Variants in CADM1 observed in about 807,000 individuals in gnomAD.
The protein encoded by CADM1 is TSLC-1.
CADM1 carries 15 observed loss-of-function variants against 53.1 expected under a neutral mutation model. The ratio of observed to expected loss-of-function variants is 0.28; its 90% CI spans 0.19 to 0.44. The LOEUF (loss-of-function observed/expected upper bound fraction) is 0.44, where lower values mean the gene tolerates loss of function less well. CADM1 is among the 20% of genes least tolerant of loss of function. CADM1 has a pLI of 1.00. For synonymous variants in CADM1, 281 were observed against 243.0 expected (o/e 1.16, Z -1.45); for missense variants, 434 against 611.3 (o/e 0.71, Z 3.06).
intron 1 of CADM1, among the ~76,000 whole-genome samples, chr11:115,336,593 C>T (rs1945273534): frequency 1.3e-5 from 2 of 151,882 alleles, no homozygotes; most frequent in Admixed American, 1.3e-4. Flanking sequence ...TGGTTTCTAC[C>T]CTTTCTGAAA....
intron 1 of CADM1, among the ~76,000 whole-genome samples, chr11:115,256,413 T>G (rs761987643): frequency 2.6e-5 from 4 of 152,226 alleles, no homozygotes; most frequent in Admixed American, 6.5e-5. Context: ...CACAGCCTCT[T>G]AATGAATATC....
At position 115,200,571 on chromosome 11, in the gene CADM1, C is replaced by T. The variant is rs556683061; in HGVS notation, c.1079-2133G>A. Among the ~76,000 whole-genome samples the T allele has an allele frequency of 1.2e-4, 18 of 152,296 alleles. 1 individual carries two copies. The highest frequency in any genetic ancestry group is 4.1e-4 in the African/African-American group (17 of 41,560). On this transcript the variant is annotated intron_variant, in intron 8 of 11. Transcript: ENST00000331581. ...AGAGCAACGGCGTGATCTTGGCTCA[C>T]CGCAACCTCTGGTTCCTGCATTCAA...
chr11:115,185,812 G>A (rs1481129024), intron 10 of CADM1, among the ~76,000 whole-genome samples: 2 of 152,170 alleles, frequency 1.3e-5, no homozygotes, highest in South Asian at 2.1e-4. Flanking sequence ...GACAGTTGTC[G>A]AGTATTTCCA....
chr11:115,367,042 A>C (rs1465166043), intron 1 of CADM1, among the ~76,000 whole-genome samples: 1 of 152,232 alleles, frequency 6.6e-6, no homozygotes, highest in Non-Finnish European at 1.5e-5. Context: ...GCTGAACAAA[A>C]CAAAAGTCTT....
chr11:115,454,493 C>G (rs1040717779), intron 1 of CADM1, among the ~76,000 whole-genome samples: 1 of 152,182 alleles, frequency 6.6e-6, no homozygotes, highest in Non-Finnish European at 1.5e-5. Context: ...TTCATGTTTA[C>G]TGTAGGGCTA....
intron 1 of CADM1, among the ~76,000 whole-genome samples, chr11:115,460,046 C>G (rs2135370288): frequency 6.6e-6 from 1 of 152,268 alleles, no homozygotes; most frequent in East Asian, 1.9e-4. Context: ...GATCTGAACA[C>G]CTAGCACCCT....
At chr11:115,403,946 AAGTC>A (rs1947229731) in intron 1 of CADM1, among the ~76,000 whole-genome samples, 2 of 152,000 alleles carry the variant, frequency 1.3e-5, no homozygotes, top group African/African-American at 4.8e-5. Context: ...TCAAAAACAA[AAGTC>A]AGTTTTTAGA....
intron 1 of CADM1, among the ~76,000 whole-genome samples, chr11:115,262,426 T>C (rs569979991): frequency 3.9e-5 from 6 of 152,330 alleles, no homozygotes; most frequent in Admixed American, 3.3e-4. Context: ...GGCTTACTTA[T>C]ATTACAAAGG....
chr11:115,190,997 A>G, intron 9 of CADM1, 56 bp from the exon 10 acceptor site: 3 of 1,365,372 alleles, frequency 2.2e-6, no homozygotes, highest in Non-Finnish European at 3.0e-6. Context: ...CATAAACAAA[A>G]CACTTAAGAA....
chr11:115,337,629 T>C (rs1040155371), intron 1 of CADM1, among the ~76,000 whole-genome samples: 2 of 152,188 alleles, frequency 1.3e-5, no homozygotes, highest in Admixed American at 1.3e-4. Flanking sequence ...ATGCATTTGT[T>C]ATGTCTTCCC....
At chr11:115,385,602 A>C (rs748289200) in intron 1 of CADM1, among the ~76,000 whole-genome samples, 2 of 151,410 alleles carry the variant, frequency 1.3e-5, no homozygotes, top group Non-Finnish European at 2.9e-5. Context: ...ACCAATTCAT[A>C]ATTTATAACA....
intron 8 of CADM1, among the ~76,000 whole-genome samples, chr11:115,200,223 TAGC>T (rs1308824856): frequency 2.6e-5 from 4 of 152,160 alleles, no homozygotes; most frequent in African/African-American, 7.2e-5. Context: ...GTGCATAAAA[TAGC>T]AGTAAAAAAC....
intron 1 of CADM1, among the ~76,000 whole-genome samples, chr11:115,380,092 A>C (rs1198793992): frequency 6.6e-6 from 1 of 152,140 alleles, no homozygotes; most frequent in Non-Finnish European, 1.5e-5. Flanking sequence ...CGCGTTTAAA[A>C]CCAGAGCATC....
chr11:115,338,976 T>C (rs1447756961), intron 1 of CADM1, among the ~76,000 whole-genome samples: 131 of 145,622 alleles, frequency 9.0e-4, no homozygotes, highest in South Asian at 2.0e-3. Flanking sequence ...ACATGTGCCA[T>C]GCCGGTGCGC....
chr11:115,171,824 G>A lies in CADM1; in HGVS notation c.*4650C>T, dbSNP rs1357149344. ...TGGAATAAGTCTGCTAATGAATGGT[G>A]AAGAGAAAAGGGTCATTAAACCTTC... On this transcript the variant is annotated 3_prime_UTR_variant, in exon 12 of 12. Transcript: ENST00000331581. 1 of 152,236 alleles carries A rather than the reference G, an allele frequency of 6.6e-6. No homozygotes were observed. The highest frequency in any genetic ancestry group is 1.5e-5 in the Non-Finnish European group (1 of 68,078). The allele number at this position is 152,236 out of a possible 1,614,324, so 9.4% of individuals were successfully genotyped here.
intron 1 of CADM1, among the ~76,000 whole-genome samples, chr11:115,279,358 T>C (rs989306037): frequency 2.6e-5 from 4 of 152,160 alleles, no homozygotes; most frequent in Non-Finnish European, 5.9e-5. Context: ...CAACCAAATA[T>C]TTCACAAAGA....
intron 1 of CADM1, among the ~76,000 whole-genome samples, chr11:115,411,139 C>T (rs188836013): frequency 6.6e-6 from 1 of 152,248 alleles, no homozygotes; most frequent in African/African-American, 2.4e-5. Flanking sequence ...TAATAACACC[C>T]AGTCTATAAT....
intron 1 of CADM1, among the ~76,000 whole-genome samples, chr11:115,312,388 C>T (rs1345366647): frequency 1.3e-5 from 2 of 152,116 alleles, no homozygotes; most frequent in Non-Finnish European, 2.9e-5. Context: ...TACACTGAAG[C>T]ATCTCATGTT....
At chr11:115,405,788 C>T (rs997862974) in intron 1 of CADM1, among the ~76,000 whole-genome samples, 1 of 152,030 alleles carries the variant, frequency 6.6e-6, no homozygotes, top group Non-Finnish European at 1.5e-5. Context: ...AAATACTACA[C>T]CCTACAGACA....
Sources: allele counts gnomAD v4.1 joint callset (sites outside exome capture counted in the v4.1 genomes callset), GRCh38; gene constraint gnomAD v4.1.1; transcripts MANE v1.5; gene names NCBI Gene and HGNC (gene_info 2026-07-23, HGNC 2026-07-21).